The following ANO1 variants were observed in gnomAD, a reference collection of about 807,000 sequenced individuals.
The protein encoded by ANO1 is anoctamin 1.
A neutral mutation model predicts 124.0 loss-of-function variants in ANO1; 59 were observed. That is an observed-to-expected ratio of 0.48 (90% CI 0.39 to 0.59). The LOEUF is 0.59. Ranked by LOEUF, ANO1 falls within the 20% of genes least tolerant of loss-of-function variation. ANO1 has a pLI of 0.00. For synonymous variants in ANO1, 529 were observed against 532.0 expected, an observed-to-expected ratio of 0.99 and a Z score of 0.08; for missense variants, 1,059 against 1,328.0, an observed-to-expected ratio of 0.80 and a Z score of 3.15.
intron 1 of ANO1, among the ~76,000 whole-genome samples, chr11:70,055,702 T>C (rs1362122651): frequency 2.0e-5 from 3 of 152,152 alleles, no homozygotes; most frequent in South Asian, 2.1e-4. Flanking sequence ...TTACAACCAC[T>C]ATATTACTAT....
intron 1 of ANO1, among the ~76,000 whole-genome samples, chr11:69,986,876 G>A (rs1004473657): frequency 3.3e-5 from 5 of 152,134 alleles, no homozygotes; most frequent in Non-Finnish European, 5.9e-5. Flanking sequence ...CAAGGGGGCC[G>A]CAGTGTGCAG....
chr11:70,186,080 G>A (rs893761459), intron 25 of ANO1, among the ~76,000 whole-genome samples: 52 of 152,266 alleles, frequency 3.4e-4, no homozygotes, highest in African/African-American at 1.2e-3. Context: ...GAGGTCAGGA[G>A]TTCAAGACCA....
At chr11:70,073,959 C>G (rs1159661006), upstream of ANO1, among the ~76,000 whole-genome samples, 1 of 151,526 alleles carries the variant, frequency 6.6e-6, no homozygotes, top group Non-Finnish European at 1.5e-5. Context: ...GGCCTCTGCT[C>G]GGGCACTGAC....
chr11:70,141,585 G>C (rs553037674), intron 11 of ANO1: 1 of 152,238 alleles, frequency 6.6e-6, no homozygotes, highest in Non-Finnish European at 1.5e-5. Context: ...TTAGAGAAAA[G>C]GAGCTTATTC....
At chr11:70,166,887 T>C (rs1488010564) in intron 20 of ANO1, among the ~76,000 whole-genome samples, 1 of 152,190 alleles carries the variant, frequency 6.6e-6, no homozygotes, top group Non-Finnish European at 1.5e-5. Context: ...GGCTCATGCC[T>C]ATAATCCTAG....
chr11:70,116,602 G>A (rs2045985736), intron 8 of ANO1, 103 bp downstream of exon 8: 3 of 1,199,970 alleles, frequency 2.5e-6, no homozygotes, highest in Middle Eastern at 2.7e-4. Context: ...GGCCTCCAGG[G>A]CCTCCCCAGG....
intron 1 of ANO1, among the ~76,000 whole-genome samples, chr11:70,083,507 G>A (rs1210503827): frequency 6.6e-6 from 1 of 152,180 alleles, no homozygotes; most frequent in African/African-American, 2.4e-5. Flanking sequence ...GGCCCCTGAG[G>A]GTAGGTGTGT....
intron 1 of ANO1, among the ~76,000 whole-genome samples, chr11:70,040,613 T>C (rs1857168220): frequency 6.6e-6 from 1 of 152,148 alleles, no homozygotes; most frequent in Non-Finnish European, 1.5e-5. Flanking sequence ...AGGCGGAGTT[T>C]GCTGTGAGCC....
intron 1 of ANO1, among the ~76,000 whole-genome samples, chr11:70,051,602 G>A (rs114098413): frequency 1.6e-3 from 239 of 152,340 alleles, no homozygotes; most frequent in African/African-American, 5.5e-3. Context: ...TCTGGTGTGT[G>A]TGTTGTGGTA....
At chr11:70,087,691 C>T in intron 1 of ANO1, 61 bp from the exon 2 acceptor site, 1 of 1,437,286 alleles carries the variant, frequency 7.0e-7, no homozygotes, top group Non-Finnish European at 9.3e-7. Flanking sequence ...AGCAGCGCAC[C>T]CTCCAAAGGC....
Position 70,105,788 on chromosome 11 carries a change from T to G in ANO1, c.747T>G (p.Ile249Met). The part of the protein sequence containing the change: ...SFFDSKTRST[I>M]VYEILKRTTC... ...TCGACAGCAAAACCCGGAGCACGAT[T>G]GTAAGTATCGCACGCGCCTGGAAAC... is the stretch of plus-strand genomic sequence containing the variant. The change falls in exon 5 of 26, where the codon ATT becomes ATG. Residue 249 changes from isoleucine to methionine, a missense_variant and splice_region_variant. By Grantham distance (10) the Ile-to-Met change is conservative. Coordinates refer to ENST00000355303, the MANE Select transcript of ANO1 (RefSeq NM_018043.7). 1 of 1,613,384 alleles carries G rather than the reference T, an allele frequency of 6.2e-7. No individual in the cohort carries two copies. Among genetic ancestry groups the G allele is most frequent in the Non-Finnish European group, 8.5e-7 (1 of 1,179,634 alleles).
intron 11 of ANO1, among the ~76,000 whole-genome samples, chr11:70,142,197 G>A (rs1232943511): frequency 6.6e-6 from 1 of 152,214 alleles, no homozygotes; most frequent in East Asian, 1.9e-4. Context: ...TCAGTTCCAC[G>A]AAGAACAAAG....
chr11:70,058,226 T>A (rs1486166314), intron 1 of ANO1, among the ~76,000 whole-genome samples: 1 of 152,164 alleles, frequency 6.6e-6, no homozygotes, highest in African/African-American at 2.4e-5. Flanking sequence ...ACCCAGGACA[T>A]CCAATTAGAG....
chr11:70,161,189 G>A lies in ANO1; in HGVS notation c.1607G>A (p.Gly536Asp). ...GCAGTGACGTTTGCCATCGTCCTCG[G>A]CGTCATCATCTACAGAATCTCCATG... ...MIAVTFAIVLGVIIYRISMAA... is the reference protein window; with the variant it reads ...MIAVTFAIVLDVIIYRISMAA... Residue 536 changes from glycine (G) to aspartate (D), a missense_variant, in exon 17 of 26, where the codon GGC (glycine) becomes GAC (aspartate). By Grantham distance (94) the Gly-to-Asp change is moderately conservative. Transcript: ENST00000355303. 1 of 1,613,878 alleles carries A rather than the reference G, an allele frequency of 6.2e-7. No homozygotes were observed. Among genetic ancestry groups the A allele is most frequent in the Non-Finnish European group, 8.5e-7 (1 of 1,179,894 alleles).
At chr11:70,035,624 C>T (rs1228982987) in intron 1 of ANO1, among the ~76,000 whole-genome samples, 1 of 151,830 alleles carries the variant, frequency 6.6e-6, no homozygotes, top group African/African-American at 2.4e-5. Flanking sequence ...CACCCATCAA[C>T]TCATCATCTA....
chr11:69,970,828 C>T, the ANO1 span, among the ~76,000 whole-genome samples: 14 of 152,198 alleles, frequency 9.2e-5, no homozygotes, highest in South Asian at 4.1e-4. Context: ...TCTCTCAGGC[C>T]GCCCTCCCAT....
At chr11:70,081,824 G>T (rs1486489562) in intron 1 of ANO1, among the ~76,000 whole-genome samples, 1 of 152,222 alleles carries the variant, frequency 6.6e-6, no homozygotes, top group Admixed American at 6.5e-5. Flanking sequence ...TGGCGCCTGG[G>T]ACAGGTCTTC....
In ANO1 at chr11:70,026,045, GGTGGTGGTGGTGATGATGAT is replaced by G. The variant is rs1313595615; in HGVS notation, c.58+39901_58+39920del. 3.4e-5 allele frequency among the ~76,000 whole-genome samples: 5 copies of G among 149,102 alleles called. No individual in the cohort carries two copies. In the East Asian group the frequency reaches 5.9e-4, roughly 18 times the overall value. On this transcript the variant is annotated intron_variant, in intron 1 of 27. Transcript: ENST00000531349. ...TGATGGTGATGATGATGGTGATGAT[GGTGGTGGTGGTGATGATGAT>G]GTGGTGGTGGTGATGATGATGATGA...
At chr11:70,134,620 G>T (rs538675811) in intron 11 of ANO1, among the ~76,000 whole-genome samples, 1 of 152,202 alleles carries the variant, frequency 6.6e-6, no homozygotes, top group African/African-American at 2.4e-5. Context: ...GTGTGCGTGC[G>T]CCTGGTGTGT....
Sources: gnomAD v4.1 joint callset for allele counts (sites outside exome capture counted in the v4.1 genomes callset) on GRCh38, gnomAD v4.1.1 for gene constraint, MANE v1.5 for transcripts, NCBI Gene and HGNC (gene_info 2026-07-23, HGNC 2026-07-21) for gene names.